NCKAP5: variants seen among roughly 807,000 people sequenced by gnomAD.
NCKAP5 encodes nck-associated protein 5.
A neutral mutation model predicts 167.0 loss-of-function variants in NCKAP5; 92 were observed. That is an observed-to-expected ratio of 0.55 (90% CI 0.47 to 0.66). The LOEUF (loss-of-function observed/expected upper bound fraction) is 0.66, where lower values mean the gene tolerates loss of function less well. Among genes scored for constraint, NCKAP5 ranks in the 30% least tolerant of loss-of-function variants. The pLI is 0.00. For missense variants in NCKAP5, 2,378 were observed against 2,315.0 expected, an observed-to-expected ratio of 1.03 and a Z score of -0.56; for synonymous variants, 891 against 877.4, an observed-to-expected ratio of 1.02 and a Z score of -0.27.
At chr2:132,704,483 G>C (rs954322403) in intron 19 of NCKAP5, among the ~76,000 whole-genome samples, 1 of 152,118 alleles carries the variant, frequency 6.6e-6, no homozygotes, top group Non-Finnish European at 1.5e-5. Context: ...TCTCTCTTCT[G>C]CACATCTCCT....
At chr2:133,538,967 G>C (rs1406029583) in intron 2 of NCKAP5, among the ~76,000 whole-genome samples, 1 of 123,300 alleles carries the variant, frequency 8.1e-6, no homozygotes, top group African/African-American at 3.2e-5. Context: ...TTGAGACGGA[G>C]TCTCACTCTG....
intron 6 of NCKAP5, among the ~76,000 whole-genome samples, chr2:133,012,355 A>G (rs1486409784): frequency 6.6e-6 from 1 of 151,954 alleles, no homozygotes; most frequent in Non-Finnish European, 1.5e-5. Context: ...TCCCGCCATT[A>G]TCCTGCCTCA....
intron 6 of NCKAP5, among the ~76,000 whole-genome samples, chr2:133,073,539 AACACTGGAACC>A (rs1309374349): frequency 5.9e-5 from 9 of 152,210 alleles, no homozygotes. Context: ...GAGCTAAGCC[AACACTGGAACC>A]ACAGCTCACA....
rs553681518 is a variant in NCKAP5, at chr2:133,465,605, A to T, written c.69+51853T>A. Among the ~76,000 whole-genome samples the T allele has an allele frequency of 1.1e-4, 17 of 152,282 alleles. No homozygotes were observed. In the East Asian group the frequency reaches 2.1e-3, roughly 19 times the overall value. ...CCATACTGACTTCCACAATGGTTGA[A>T]CTAGTTTACAGTCCCACCAACAGTG... On this transcript the variant is annotated intron_variant, in intron 3 of 19. Coordinates refer to ENST00000409261, the MANE Select transcript of NCKAP5 (RefSeq NM_207363.3).
chr2:133,125,219 C>CTTTT (rs777940751), intron 6 of NCKAP5, among the ~76,000 whole-genome samples: 1 of 142,780 alleles, frequency 7.0e-6, no homozygotes, highest in Non-Finnish European at 1.5e-5. Flanking sequence ...ATTACTCTAC[C>CTTTT]TTTTTTTTTT....
chr2:133,075,516 CTT>C (rs987418013), intron 6 of NCKAP5, among the ~76,000 whole-genome samples: 5 of 152,118 alleles, frequency 3.3e-5, no homozygotes, highest in Non-Finnish European at 7.4e-5. Flanking sequence ...AAGAATAACA[CTT>C]TGATGGGGTT....
intron 2 of NCKAP5, among the ~76,000 whole-genome samples, chr2:133,518,561 A>G (rs1171655938): frequency 6.6e-6 from 1 of 151,394 alleles, no homozygotes; most frequent in African/African-American, 2.4e-5. Context: ...TCACCGTGTT[A>G]GCCAGGATGG....
At chr2:133,626,756 A>G in the NCKAP5 span, among the ~76,000 whole-genome samples, 1 of 152,186 alleles carries the variant, frequency 6.6e-6, no homozygotes, top group South Asian at 2.1e-4. Flanking sequence ...GTGAAAACAG[A>G]TAAGTCTGGG....
intron 4 of NCKAP5, among the ~76,000 whole-genome samples, chr2:133,291,237 A>G (rs1679574770): frequency 6.6e-6 from 1 of 152,228 alleles, no homozygotes; most frequent in South Asian, 2.1e-4. Flanking sequence ...TTGGTCTTAC[A>G]GGTTAAAGAT....
intron 11 of NCKAP5, among the ~76,000 whole-genome samples, chr2:132,817,799 T>C (rs1686392739): frequency 6.6e-6 from 1 of 152,168 alleles, no homozygotes; most frequent in Admixed American, 6.5e-5. Flanking sequence ...GCCAAGAAAA[T>C]ACCAGTGTGG....
chr2:133,235,121 A>T (rs1439278731), intron 4 of NCKAP5, among the ~76,000 whole-genome samples: 1 of 151,810 alleles, frequency 6.6e-6, no homozygotes, highest in African/African-American at 2.4e-5. Flanking sequence ...TAATACAGTC[A>T]GTCTTCATTA....
intron 3 of NCKAP5, among the ~76,000 whole-genome samples, chr2:133,456,961 A>C (rs1198638822): frequency 6.6e-6 from 1 of 152,166 alleles, no homozygotes; most frequent in African/African-American, 2.4e-5. Flanking sequence ...CCATTTCTGC[A>C]CTGTCCAACC....
chr2:133,590,990 T>C, the NCKAP5 span, among the ~76,000 whole-genome samples: 1 of 151,980 alleles, frequency 6.6e-6, no homozygotes, highest in African/African-American at 2.4e-5. Context: ...TGTTTGTGAG[T>C]GGCACGGGTT....
intron 7 of NCKAP5, among the ~76,000 whole-genome samples, chr2:132,974,386 T>C (rs1454774581): frequency 6.6e-6 from 1 of 152,154 alleles, no homozygotes; most frequent in Non-Finnish European, 1.5e-5. Flanking sequence ...ACAAAAGACA[T>C]AATAAATAAC....
At chr2:133,099,866 T>C (rs1404868096) in intron 6 of NCKAP5, among the ~76,000 whole-genome samples, 1 of 152,224 alleles carries the variant, frequency 6.6e-6, no homozygotes, top group Non-Finnish European at 1.5e-5. Context: ...GCACATAAAG[T>C]TAAGCTGAAA....
At chr2:132,829,281 A>C (rs1337246586) in intron 11 of NCKAP5, among the ~76,000 whole-genome samples, 2 of 152,140 alleles carry the variant, frequency 1.3e-5, no homozygotes, top group African/African-American at 4.8e-5. Flanking sequence ...TTTGAAGCTC[A>C]TTTCGTTATC....
chr2:133,129,104 T>TA (rs924053823), intron 6 of NCKAP5, among the ~76,000 whole-genome samples: 5 of 149,342 alleles, frequency 3.3e-5, no homozygotes, highest in Admixed American at 6.7e-5. Context: ...TTTTTTTTTT[T>TA]ATTATTATAC....
At chr2:133,547,498 G>C (rs567349009) in intron 2 of NCKAP5, among the ~76,000 whole-genome samples, 2 of 152,040 alleles carry the variant, frequency 1.3e-5, no homozygotes, top group African/African-American at 4.8e-5. Context: ...TTTGAAGAGA[G>C]CAGTGGTTCT....
intron 8 of NCKAP5, chr2:132,931,420 G>A (rs1696368944): frequency 1.3e-5 from 2 of 152,096 alleles, no homozygotes; most frequent in Admixed American, 6.5e-5. Context: ...TGGAGTCTCT[G>A]TGAATCTGCT....
Sources: allele counts gnomAD v4.1 joint callset (sites outside exome capture counted in the v4.1 genomes callset), GRCh38; gene constraint gnomAD v4.1.1; transcripts MANE v1.5; gene names NCBI Gene and HGNC (gene_info 2026-07-23, HGNC 2026-07-21).